The following TNFRSF9 variants were observed in gnomAD, a reference collection of about 807,000 sequenced individuals.
TNFRSF9 encodes the protein TNF receptor superfamily member 9.
Under a neutral mutation model 28.8 loss-of-function variants are expected in TNFRSF9, and 16 were observed. That is an observed-to-expected ratio of 0.55 (90% confidence interval 0.38 to 0.84). TNFRSF9 has a LOEUF of 0.84. Ranked by LOEUF, TNFRSF9 falls within the 40% of genes least tolerant of loss-of-function variation. The pLI, the probability that TNFRSF9 is intolerant of heterozygous loss-of-function variation, is 0.00. For synonymous variants in TNFRSF9, 131 were observed against 117.0 expected, an observed-to-expected ratio of 1.12 and a Z score of -0.77; for missense variants, 303 against 315.0, an observed-to-expected ratio of 0.96 and a Z score of 0.29.
chr1:7,921,065 G>GCCACCACGCC, intron 7 of TNFRSF9, 142 bp from the exon 8 acceptor site: 2 of 635,388 alleles, frequency 3.1e-6, no homozygotes, highest in Non-Finnish European at 5.4e-6. Context: ...GCCAGGCGTG[G>GCCACCACGCC]TGGCTCATGC....
intron 7 of TNFRSF9, among the ~76,000 whole-genome samples, chr1:7,923,519 G>C: frequency 6.6e-6 from 1 of 152,160 alleles, no homozygotes; most frequent in East Asian, 1.9e-4. Context: ...GATGTCAGAG[G>C]AACCCTGAGA....
chr1:7,933,081 T>A, intron 7 of TNFRSF9, 81 bp downstream of exon 7: 2 of 1,492,434 alleles, frequency 1.3e-6, no homozygotes, highest in Non-Finnish European at 1.8e-6. Context: ...ATTTCTAGAA[T>A]TTTTTTTAAA....
rs1341422963 is a variant in TNFRSF9, at chr1:7,916,142, T to C, written c.*4693A>G. ...CACTAAAGAAAAAAAATTAAAACTT[T>C]CTTCTGAAAAAAACCTGAGCTTGTT... On this transcript the variant is annotated 3_prime_UTR_variant, in exon 8 of 8. Transcript: ENST00000377507. The C allele has an allele frequency of 6.6e-6, 1 of 152,186 alleles. No homozygotes were observed. The highest frequency in any genetic ancestry group is 1.5e-5 in the Non-Finnish European group (1 of 68,040). The allele number at this position is 152,186 out of a possible 1,614,324, so 9.4% of individuals were successfully genotyped here. A position where few individuals can be genotyped will look rare whatever the true frequency, so the allele number is the denominator to read the frequency against.
chr1:7,934,566 G>A (rs983890457), intron 6 of TNFRSF9, among the ~76,000 whole-genome samples: 15 of 150,290 alleles, frequency 1.0e-4, no homozygotes, highest in East Asian at 2.0e-4. Flanking sequence ...AAAATTAGCC[G>A]GGCGTGGTGG....
At chr1:7,933,699 A>G (rs971134533) in intron 6 of TNFRSF9, among the ~76,000 whole-genome samples, 4 of 151,842 alleles carry the variant, frequency 2.6e-5, no homozygotes, top group Non-Finnish European at 5.9e-5. Context: ...CATCTCAAAA[A>G]AAAGAAAAGA....
intron 5 of TNFRSF9, chr1:7,936,583 A>T (rs1639819548): frequency 6.6e-6 from 1 of 152,278 alleles, no homozygotes; most frequent in African/African-American, 2.4e-5. Context: ...TATAAATGAC[A>T]AAAGCAGAGA....
chr1:7,932,271 T>A (rs1473682909), intron 7 of TNFRSF9, among the ~76,000 whole-genome samples: 1 of 152,194 alleles, frequency 6.6e-6, no homozygotes, highest in African/African-American at 2.4e-5. Flanking sequence ...TTTTATTATA[T>A]CCCTCTTATT....
chr1:7,930,537 C>T (rs1457587795), intron 7 of TNFRSF9, among the ~76,000 whole-genome samples: 1 of 152,164 alleles, frequency 6.6e-6, no homozygotes, highest in African/African-American at 2.4e-5. Context: ...GTGGGAGGAT[C>T]GCTTGAGCCC....
intron 6 of TNFRSF9, among the ~76,000 whole-genome samples, chr1:7,934,337 A>G (rs1162458956): frequency 6.6e-6 from 1 of 151,238 alleles, no homozygotes; most frequent in African/African-American, 2.4e-5. Flanking sequence ...ATATCAAGCC[A>G]CTGCACTCCA....
intron 6 of TNFRSF9, 85 bp from the exon 7 acceptor site, chr1:7,933,381 C>T (rs1418970195): frequency 8.2e-6 from 12 of 1,457,672 alleles, no homozygotes; most frequent in Non-Finnish European, 1.1e-5. Flanking sequence ...TGGTAAATTT[C>T]TAAGCATGAG....
chr1:7,920,925 T>TA lies in TNFRSF9; in HGVS notation c.680-3dup, dbSNP rs767796238. On this transcript the variant is annotated splice_polypyrimidine_tract_variant and splice_region_variant and intron_variant, in intron 7 of 7. Transcript: ENST00000377507. ...TAGTTTGTACTGGTCTCATAAATGC[T>TA]AAAAAAAAAATTTTAAGATACGTAT... 2.1e-3 allele frequency: 3,212 copies of TA among 1,499,784 alleles called. No homozygotes were observed. Among genetic ancestry groups the TA allele is most frequent in the Non-Finnish European group, 2.4e-3 (2,682 of 1,101,680 alleles). The allele number at this position is 1,499,784 out of a possible 1,614,324, so 92.9% of individuals were successfully genotyped here. A position where few individuals can be genotyped will look rare whatever the true frequency, so the allele number is the denominator to read the frequency against.
Position 7,924,294 on chromosome 1 carries a change from C to CATATGTATATAT in TNFRSF9, c.680-3372_680-3371insATATATACATAT, listed in dbSNP as rs1238435280. Among the ~76,000 whole-genome samples the CATATGTATATAT allele has an allele frequency of 3.3e-4, 43 of 130,020 alleles. 1 individual carries two copies. Among genetic ancestry groups the CATATGTATATAT allele is most frequent in the African/African-American group, 1.2e-3 (41 of 35,086 alleles). 85.3% of individuals were successfully genotyped at this position (130,020 alleles called of 152,430 possible). A position where few individuals can be genotyped will look rare whatever the true frequency, so the allele number is the denominator to read the frequency against. On this transcript the variant is annotated intron_variant, in intron 7 of 7. Transcript: ENST00000377507. ...TTTATAGTTATTTCATAGTATATTC[C>CATATGTATATAT]ATATATATATATATATATATATATA...
At chr1:7,940,170 T>C (rs1639881737) in intron 1 of TNFRSF9, 92 bp from the exon 2 acceptor site, 2 of 451,616 alleles carry the variant, frequency 4.4e-6, no homozygotes, top group Non-Finnish European at 8.1e-6. Context: ...TATAAGAGGA[T>C]AACTCAGGGT....
intron 3 of TNFRSF9, 131 bp downstream of exon 3, chr1:7,938,590 G>T: frequency 2.4e-6 from 2 of 845,640 alleles, no homozygotes; most frequent in South Asian, 3.9e-5. Flanking sequence ...TATTGTCCTA[G>T]ACCTGCTGGT....
In TNFRSF9 at chr1:7,920,741, A is replaced by G; in HGVS notation, c.*94T>C. 1 of 974,798 alleles carries G rather than the reference A, an allele frequency of 1.0e-6. No individual in the cohort carries two copies. The highest frequency in any genetic ancestry group is 1.6e-6 in the Non-Finnish European group (1 of 606,140). The allele number at this position is 974,798 out of a possible 1,614,324, so 60.4% of individuals were successfully genotyped here. On this transcript the variant is annotated 3_prime_UTR_variant, in exon 8 of 8. Coordinates refer to ENST00000377507, the MANE Select transcript of TNFRSF9 (RefSeq NM_001561.6). ...GGGGGAATCCTGGGTATTATGTAGGATGGTGTTCTTGCTTTTGAAAGCTGT... is the reference window on the plus strand; with the variant it reads ...GGGGGAATCCTGGGTATTATGTAGGGTGGTGTTCTTGCTTTTGAAAGCTGT...
intron 5 of TNFRSF9, among the ~76,000 whole-genome samples, chr1:7,935,407 G>A (rs1050126253): frequency 2.0e-5 from 3 of 152,060 alleles, no homozygotes; most frequent in Admixed American, 6.6e-5. Context: ...TTTCTTAATC[G>A]GACTTGACCA....
chr1:7,924,726 C>T (rs1639614587), intron 7 of TNFRSF9, among the ~76,000 whole-genome samples: 1 of 152,150 alleles, frequency 6.6e-6, no homozygotes, highest in Admixed American at 6.6e-5. Flanking sequence ...AGACATTGTT[C>T]TCATAGGAGA....
rs1185957838 is a variant in TNFRSF9 at position 7,938,338 on chromosome 1, G to T, written c.209-8C>A. ...TCCTGGTCCTGAAAACACCTACAAA[G>T]TCCCCCCAGCCCCCAACATTTTATT... On this transcript the variant is annotated splice_region_variant and splice_polypyrimidine_tract_variant and intron_variant, in intron 3 of 7. Transcript: ENST00000377507. The T allele has an allele frequency of 6.3e-7, 1 of 1,595,572 alleles. No individual in the cohort carries two copies. Among genetic ancestry groups the T allele is most frequent in the Non-Finnish European group, 8.5e-7 (1 of 1,171,116 alleles).
intron 5 of TNFRSF9, chr1:7,936,651 G>A (rs1324610179): frequency 1.3e-5 from 2 of 152,148 alleles, no homozygotes; most frequent in Non-Finnish European, 2.9e-5. Flanking sequence ...TCACTTTCCA[G>A]TCTGTTACAA....
Sources: gnomAD v4.1 joint callset for allele counts (sites outside exome capture counted in the v4.1 genomes callset) on GRCh38, gnomAD v4.1.1 for gene constraint, MANE v1.5 for transcripts, NCBI Gene and HGNC (gene_info 2026-07-23, HGNC 2026-07-21) for gene names.